The following DUSP4 variants were observed in gnomAD, a reference collection of about 807,000 sequenced individuals.
DUSP4 encodes the protein dual specificity phosphatase 4, also known as dual specificity protein phosphatase 4.
Under a neutral mutation model 27.2 loss-of-function variants are expected in DUSP4, and 12 were observed. That is an observed-to-expected ratio of 0.44 (90% CI 0.28 to 0.71). The LOEUF is 0.71. DUSP4 is among the 30% of genes least tolerant of loss of function. The pLI, the probability that DUSP4 is intolerant of heterozygous loss-of-function variation, is 0.14. For missense variants in DUSP4, 448 were observed against 551.3 expected (o/e 0.81, Z 1.88); for synonymous variants, 257 against 245.2 (o/e 1.05, Z -0.45).
intron 2 of DUSP4, 45 bp downstream of exon 2, chr8:29,340,052 AC>A (rs1487333902): frequency 6.5e-7 from 1 of 1,545,276 alleles, no homozygotes; most frequent in East Asian, 2.4e-5. Flanking sequence ...ACTGGCCCCT[AC>A]GCTGTTCCTG....
chr8:29,338,413 G>T lies in DUSP4; in HGVS notation c.668C>A (p.Thr223Lys), dbSNP rs779990842. 7 of 1,614,094 alleles carry T rather than the reference G, an allele frequency of 4.3e-6. No homozygotes were observed. In the East Asian group the frequency reaches 1.3e-4, roughly 31 times the overall value. ...RRDMLDALGI[T>K]ALLNVSSDCP... ...GTCCGAGGAGACATTCAACAGAGCC[G>T]TGATGCCCAGGGCGTCCAGCATGTC... The change falls in exon 3 of 4, where the codon ACG becomes AAG. Residue 223 changes from threonine to lysine, a missense_variant. By Grantham distance (78) the Thr-to-Lys change is moderately conservative. Around this residue, in one of 3 missense-constraint regions of DUSP4, gnomAD observed 345 missense variants for 394.0 expected, o/e 0.88. Coordinates refer to ENST00000240100, the MANE Select transcript of DUSP4 (RefSeq NM_001394.7).
At chr8:29,343,117 G>A (rs948956743) in intron 1 of DUSP4, among the ~76,000 whole-genome samples, 7 of 146,200 alleles carry the variant, frequency 4.8e-5, no homozygotes, top group East Asian at 2.0e-4. Context: ...GCAGTGAGCC[G>A]AGATCGCGCC....
chr8:29,350,271 G>A lies in DUSP4; in HGVS notation c.8C>T (p.Thr3Met). 1 of 1,575,192 alleles carries A rather than the reference G, an allele frequency of 6.3e-7. No homozygotes were observed. Among genetic ancestry groups the A allele is most frequent in the Non-Finnish European group, 8.6e-7 (1 of 1,159,402 alleles). The change falls in exon 1 of 4, where the codon ACG becomes ATG. Residue 3 changes from threonine (T) to methionine (M), a missense_variant. Transcript: ENST00000240100. ...GTCCATCTCCCGCAGCTCCTCCATC[G>A]TCACCATGGTCGCCGGGAACCGAGG... MV[T>M]MEELREMDCS... is the part of the protein sequence containing the mutation.
At chr8:29,342,100 C>A (rs1308401343) in intron 1 of DUSP4, among the ~76,000 whole-genome samples, 1 of 152,040 alleles carries the variant, frequency 6.6e-6, no homozygotes, top group Non-Finnish European at 1.5e-5. Flanking sequence ...GGTTGGGTGG[C>A]CCAGGAGTGC....
Position 29,350,254 on chromosome 8 carries a change from C to T in DUSP4, c.25G>A (p.Glu9Lys). 6.3e-7 allele frequency: 1 copy of T among 1,592,160 alleles called. No homozygotes were observed. The highest frequency in any genetic ancestry group is 8.6e-7 in the Non-Finnish European group (1 of 1,167,658). The change falls in exon 1 of 4, where the codon GAG becomes AAG. Residue 9 changes from glutamate to lysine, a missense_variant. By Grantham distance (56) the Glu-to-Lys change is moderately conservative. Coordinates refer to ENST00000240100, the MANE Select transcript of DUSP4 (RefSeq NM_001394.7). ...CTTTTGAGCACACTGCAGTCCATCT[C>T]CCGCAGCTCCTCCATCGTCACCATG... MVTMEELR[E>K]MDCSVLKRLM...
Position 29,350,044 on chromosome 8 carries a change from C to T in DUSP4, c.235G>A (p.Gly79Ser). 1 of 1,595,730 alleles carries T rather than the reference C, an allele frequency of 6.3e-7. No individual in the cohort carries two copies. The highest frequency in any genetic ancestry group is 1.1e-5 in the South Asian group (1 of 89,438). ...CNTIVRRRAK[G>S]SVSLEQILPA... ...AGGATCTGCTCCAGGCTCACGGAGC[C>T]CTTAGCCCGCCGCCGCACGATGGTG... Residue 79 changes from glycine (G) to serine (S), a missense_variant, in exon 1 of 4, where the codon GGC becomes AGC. Around this residue, in one of 3 missense-constraint regions of DUSP4, gnomAD observed 345 missense variants for 394.0 expected, o/e 0.88. Coordinates refer to ENST00000240100, the MANE Select transcript of DUSP4 (RefSeq NM_001394.7).
chr8:29,339,213 C>T (rs897653847), intron 2 of DUSP4, among the ~76,000 whole-genome samples: 32 of 152,178 alleles, frequency 2.1e-4, no homozygotes, highest in Admixed American at 5.2e-4. Flanking sequence ...AGCTGATGCC[C>T]TCATGGCCAC....
intron 1 of DUSP4, among the ~76,000 whole-genome samples, chr8:29,342,666 G>A (rs1480070331): frequency 4.6e-5 from 7 of 152,178 alleles, no homozygotes; most frequent in Non-Finnish European, 8.8e-5. Flanking sequence ...ACCTGGCACC[G>A]GCTGCTGGCC....
At chr8:29,346,163 G>A (rs964513804) in intron 1 of DUSP4, 7 of 802,908 alleles carry the variant, frequency 8.7e-6, no homozygotes, top group African/African-American at 7.5e-5. Flanking sequence ...AGTGGCCTTA[G>A]TGACTGTTTT....
Position 29,339,988 on chromosome 8 carries a change from T to C in DUSP4, c.579+110A>G. On this transcript the variant is annotated intron_variant, in intron 2 of 3. Coordinates refer to ENST00000240100, the MANE Select transcript of DUSP4 (RefSeq NM_001394.7). The stretch of plus-strand genomic sequence containing the variant: ...GCACTCCTGGGTGACAGAGCAAGAC[T>C]GTCTCAAAAGCAAAGACAAAAAACA... 3.6e-6 allele frequency: 5 copies of C among 1,392,672 alleles called. No individual in the cohort carries two copies. The South Asian group carries it at 5.6e-5, about 16-fold the overall frequency. 86.3% of individuals were successfully genotyped at this position (1,392,672 alleles called of 1,614,324 possible). A position where few individuals can be genotyped will look rare whatever the true frequency, so the allele number is the denominator to read the frequency against.
At position 29,350,464 on chromosome 8, in the gene DUSP4, G is replaced by A. The variant is rs1043535971; in HGVS notation, c.-186C>T. 2 of 732,392 alleles carry A rather than the reference G, an allele frequency of 2.7e-6. No individual in the cohort carries two copies. Among genetic ancestry groups the A allele is most frequent in the Non-Finnish European group, 4.2e-6 (2 of 476,054 alleles). The allele number at this position is 732,392 out of a possible 1,614,324, so 45.4% of individuals were successfully genotyped here. On this transcript the variant is annotated 5_prime_UTR_variant, in exon 1 of 4. Transcript: ENST00000240100. ...GTCCCCTTCCTCCCGCAGCCTCGCGGTCACATAGCAGTCGGAGCGGCCTCG... is the reference window on the plus strand; with the variant it reads ...GTCCCCTTCCTCCCGCAGCCTCGCGATCACATAGCAGTCGGAGCGGCCTCG...
At chr8:29,345,787 A>T (rs1817724895) in intron 1 of DUSP4, 2 of 1,250,046 alleles carry the variant, frequency 1.6e-6, no homozygotes, top group Non-Finnish European at 2.0e-6. Flanking sequence ...ATCTGTCTTT[A>T]GTTACTTTTG....
chr8:29,343,750 G>A (rs1817688252), intron 1 of DUSP4, among the ~76,000 whole-genome samples: 1 of 152,212 alleles, frequency 6.6e-6, no homozygotes, highest in East Asian at 1.9e-4. Flanking sequence ...GAATTAGGAG[G>A]ATGCACTGCC....
At chr8:29,343,167 CAAAAAAAAAA>C (rs3052311) in intron 1 of DUSP4, among the ~76,000 whole-genome samples, 1 of 86,568 alleles carries the variant, frequency 1.2e-5, no homozygotes, top group African/African-American at 4.3e-5. Context: ...GACTCCATCT[CAAAAAAAAAA>C]AAAAAAAAAG....
rs960196573 is a variant in DUSP4 at position 29,349,832 on chromosome 8, G to A, written c.433+14C>T. 1.3e-5 allele frequency: 19 copies of A among 1,479,326 alleles called. No individual in the cohort carries two copies. In the East Asian group the frequency reaches 4.5e-4, roughly 35 times the overall value. 91.6% of individuals were successfully genotyped at this position (1,479,326 alleles called of 1,614,324 possible). A position where few individuals can be genotyped will look rare whatever the true frequency, so the allele number is the denominator to read the frequency against. On this transcript the variant is annotated intron_variant, in intron 1 of 3. Transcript: ENST00000240100. ...TCTCCCCGACTCCAGCTAGCGCCCGGAGCCCTCGTTTACCTTTGAGCAGGC... is the reference window on the plus strand; with the variant it reads ...TCTCCCCGACTCCAGCTAGCGCCCGAAGCCCTCGTTTACCTTTGAGCAGGC...
rs1202750423 is a variant in DUSP4, at chr8:29,348,758, C to CG, written c.433+1087dup. On this transcript the variant is annotated intron_variant, in intron 1 of 3. Transcript: ENST00000240100. ...GGGAGGGAGGCGGCGAAGGCGCCTGCGGGGGGGAGGAGCGGCTCTTTGATG... is the reference window on the plus strand; with the variant it reads ...GGGAGGGAGGCGGCGAAGGCGCCTGCGGGGGGGGAGGAGCGGCTCTTTGATG... The CG allele has an allele frequency of 3.8e-5, 37 of 984,640 alleles. 1 individual carries two copies. The Admixed American group carries it at 2.1e-3, about 56-fold the overall frequency. 61.0% of individuals were successfully genotyped at this position (984,640 alleles called of 1,614,324 possible).
rs1817538827 is a variant in DUSP4 at position 29,334,345 on chromosome 8, C to T, written c.*2681G>A. 1.3e-5 allele frequency: 2 copies of T among 152,228 alleles called. No homozygotes were observed. The highest frequency in any genetic ancestry group is 2.1e-4 in the South Asian group (1 of 4,826). The allele number at this position is 152,228 out of a possible 1,614,324, so 9.4% of individuals were successfully genotyped here. Reference sequence around the variant, plus strand: ...CTTCATCAGAGCTATTGTAAGTCATCCAAAAGGCTTCTGACGAAAGAACAA... The same window carrying T: ...CTTCATCAGAGCTATTGTAAGTCATTCAAAAGGCTTCTGACGAAAGAACAA... On this transcript the variant is annotated 3_prime_UTR_variant, in exon 4 of 4. Coordinates refer to ENST00000240100, the MANE Select transcript of DUSP4 (RefSeq NM_001394.7).
At chr8:29,338,608 GA>G in intron 2 of DUSP4, 107 bp from the exon 3 acceptor site, 1 of 1,295,750 alleles carries the variant, frequency 7.7e-7, no homozygotes, top group Non-Finnish European at 1.1e-6. Context: ...AACCCAGGGA[GA>G]ATGCCTGCTG....
intron 1 of DUSP4, among the ~76,000 whole-genome samples, chr8:29,347,493 T>C (rs1223250919): frequency 6.6e-6 from 1 of 152,210 alleles, no homozygotes; most frequent in East Asian, 1.9e-4. Context: ...GGCTGGAAGA[T>C]TCCCCCACCT....
Sources: allele counts gnomAD v4.1 joint callset (sites outside exome capture counted in the v4.1 genomes callset), GRCh38; gene constraint gnomAD v4.1.1; regional missense constraint gnomAD v4.1.1; transcripts MANE v1.5; gene names NCBI Gene and HGNC (gene_info 2026-07-23, HGNC 2026-07-21).